The following ZBTB2 variants were observed in gnomAD, a reference collection of about 807,000 sequenced individuals.
The protein encoded by ZBTB2 is zinc finger and BTB domain containing 2.
In ZBTB2, 2 loss-of-function variants were observed where a neutral mutation model predicts 39.5. That is an observed-to-expected ratio of 0.05 (90% CI 0.02 to 0.16). The LOEUF (loss-of-function observed/expected upper bound fraction) is 0.16. Among genes scored for constraint, ZBTB2 ranks in the 10% least tolerant of loss-of-function variants. The probability of loss-of-function intolerance (pLI) is 1.00; values close to 1 mark genes in which losing one functional copy is unlikely to be tolerated. For missense variants in ZBTB2, 391 were observed against 653.0 expected (o/e 0.60, Z 4.37); for synonymous variants, 251 against 256.6 (o/e 0.98, Z 0.21).
At chr6:151,390,992 C>T (rs1410093708) in intron 1 of ZBTB2, among the ~76,000 whole-genome samples, 1 of 150,448 alleles carries the variant, frequency 6.6e-6, no homozygotes, top group Non-Finnish European at 1.5e-5. Flanking sequence ...GGGAACCGAA[C>T]GCGAATCGCC....
rs543500563 is a variant in ZBTB2 at position 151,384,375 on chromosome 6, C to T, written c.-13+7045G>A. 2.6e-5 allele frequency among the ~76,000 whole-genome samples: 4 copies of T among 152,164 alleles called. No homozygotes were observed. In the South Asian group the frequency reaches 8.3e-4, roughly 32 times the overall value. On this transcript the variant is annotated intron_variant, in intron 1 of 2. Coordinates refer to ENST00000325144, the MANE Select transcript of ZBTB2 (RefSeq NM_020861.3). ...AATCAAGCTGGGGAGGAGGGGGTAACAAGCGGGCAAGTGAAGACCTGCTGG... is the reference window on the plus strand; with the variant it reads ...AATCAAGCTGGGGAGGAGGGGGTAATAAGCGGGCAAGTGAAGACCTGCTGG...
intron 2 of ZBTB2, among the ~76,000 whole-genome samples, chr6:151,367,407 C>T (rs984782691): frequency 2.6e-5 from 4 of 152,166 alleles, no homozygotes; most frequent in Non-Finnish European, 4.4e-5. Flanking sequence ...AGGCGTGAGC[C>T]ACCACGCCTG....
intron 1 of ZBTB2, among the ~76,000 whole-genome samples, chr6:151,381,967 T>C (rs1348719624): frequency 1.3e-5 from 2 of 152,222 alleles, no homozygotes; most frequent in African/African-American, 4.8e-5. Flanking sequence ...AATTTTGTCA[T>C]TGTGCGAACA....
intron 1 of ZBTB2, among the ~76,000 whole-genome samples, chr6:151,375,291 TGG>T (rs1778883910): frequency 6.6e-6 from 1 of 152,072 alleles, no homozygotes; most frequent in African/African-American, 2.4e-5. Context: ...ATGAAATACA[TGG>T]GTGTAAATCT....
At chr6:151,368,891 T>C (rs1778715135) in intron 2 of ZBTB2, among the ~76,000 whole-genome samples, 1 of 151,564 alleles carries the variant, frequency 6.6e-6, no homozygotes, top group Non-Finnish European at 1.5e-5. Flanking sequence ...GCCTCCCAAG[T>C]TGGGATTACA....
intron 1 of ZBTB2, among the ~76,000 whole-genome samples, chr6:151,389,902 T>G (rs1779245635): frequency 6.6e-6 from 1 of 151,996 alleles, no homozygotes; most frequent in African/African-American, 2.4e-5. Flanking sequence ...CCTTTGCAGC[T>G]TCTGGCTAAA....
Position 151,373,857 on chromosome 6 carries a change from A to AC in ZBTB2, c.-12-209_-12-208insG, listed in dbSNP as rs1275570319. The stretch of plus-strand genomic sequence containing the variant: ...CATTATGCCTTTAAAAAAAAAAAAA[A>AC]AAAAAAAAAAAAAAAAAAAACCAGA... On this transcript the variant is annotated intron_variant, in intron 1 of 2. Coordinates refer to ENST00000325144, the MANE Select transcript of ZBTB2 (RefSeq NM_020861.3). Among the ~76,000 whole-genome samples, 13 of 144,144 alleles carry AC rather than the reference A, an allele frequency of 9.0e-5. No individual in the cohort carries two copies. The East Asian group carries it at 1.2e-3, about 13-fold the overall frequency. The allele number at this position is 144,144 out of a possible 152,430, so 94.6% of individuals were successfully genotyped here.
chr6:151,373,317 G>A, intron 2 of ZBTB2, 148 bp downstream of exon 2: 1 of 742,266 alleles, frequency 1.3e-6, no homozygotes, highest in East Asian at 2.7e-5. Flanking sequence ...CCTGTAACAA[G>A]AAGGGTAGTG....
intron 1 of ZBTB2, among the ~76,000 whole-genome samples, chr6:151,386,248 T>G (rs1319320266): frequency 6.6e-6 from 1 of 152,088 alleles, no homozygotes; most frequent in South Asian, 2.1e-4. Context: ...ACGGCAAAAT[T>G]AAAAAATTAA....
intron 1 of ZBTB2, among the ~76,000 whole-genome samples, chr6:151,382,343 C>G (rs1012289545): frequency 5.9e-5 from 9 of 151,928 alleles, no homozygotes; most frequent in Non-Finnish European, 1.2e-4. Context: ...ACAACCTCCG[C>G]CTCCCGGGTT....
intron 1 of ZBTB2, among the ~76,000 whole-genome samples, chr6:151,387,790 G>T (rs186542065): frequency 1.3e-5 from 2 of 152,282 alleles, no homozygotes; most frequent in African/African-American, 4.8e-5. Context: ...GTGAACTGGG[G>T]GTTATGAGTT....
chr6:151,375,851 G>T (rs1027411163), intron 1 of ZBTB2, among the ~76,000 whole-genome samples: 3 of 152,166 alleles, frequency 2.0e-5, no homozygotes, highest in Admixed American at 6.5e-5. Flanking sequence ...TTACAGGTGT[G>T]AGCCAACACG....
At chr6:151,369,422 AGC>A (rs1778730260) in intron 2 of ZBTB2, among the ~76,000 whole-genome samples, 2 of 152,020 alleles carry the variant, frequency 1.3e-5, no homozygotes, top group Non-Finnish European at 2.9e-5. Flanking sequence ...GCATGATCAT[AGC>A]TGACTGCAGC....
chr6:151,391,198 GC>G (rs1272196192), intron 1 of ZBTB2, among the ~76,000 whole-genome samples: 1 of 151,474 alleles, frequency 6.6e-6, no homozygotes, highest in African/African-American at 2.4e-5. Flanking sequence ...AGGCGCCCCT[GC>G]CCTCGCTTCC....
intron 1 of ZBTB2, among the ~76,000 whole-genome samples, chr6:151,374,661 T>G (rs1255354801): frequency 1.3e-5 from 2 of 151,826 alleles, no homozygotes; most frequent in Admixed American, 6.6e-5. Flanking sequence ...CTCTCGATAT[T>G]CAACACAGCA....
At chr6:151,385,568 G>T (rs1779132219) in intron 1 of ZBTB2, among the ~76,000 whole-genome samples, 1 of 152,286 alleles carries the variant, frequency 6.6e-6, no homozygotes, top group Middle Eastern at 3.4e-3. Context: ...AAAGATAATA[G>T]CTGTTCTAAG....
chr6:151,391,557 CGCG>C (rs531722252), exon 1 of ZBTB2: 191 of 153,338 alleles, frequency 1.2e-3, no homozygotes, highest in East Asian at 2.2e-3. Context: ...GTGTCTCCGG[CGCG>C]GCGGCGGCGG....
In ZBTB2 at chr6:151,391,420, C is replaced by T. The variant is rs1779304701; in HGVS notation, c.-13G>A. On this transcript the variant is annotated splice_region_variant and 5_prime_UTR_variant, in exon 1 of 3. Transcript: ENST00000325144. ...GGAGGCGGAGGCGGTGCGCGCTTACCTGTCGCCGGTGCTGCTGCGGCGGGG... is the reference window on the plus strand; with the variant it reads ...GGAGGCGGAGGCGGTGCGCGCTTACTTGTCGCCGGTGCTGCTGCGGCGGGG... 1 of 151,916 alleles carries T rather than the reference C, an allele frequency of 6.6e-6. No homozygotes were observed. Among genetic ancestry groups the T allele is most frequent in the Admixed American group, 6.6e-5 (1 of 15,254 alleles). 9.4% of individuals were successfully genotyped at this position (151,916 alleles called of 1,614,324 possible). A position where few individuals can be genotyped will look rare whatever the true frequency, so the allele number is the denominator to read the frequency against.
intron 1 of ZBTB2, among the ~76,000 whole-genome samples, chr6:151,375,719 C>A (rs971219914): frequency 6.6e-6 from 1 of 152,132 alleles, no homozygotes; most frequent in African/African-American, 2.4e-5. Flanking sequence ...CACGCACCAC[C>A]AAACCTGGCT....
Sources: gnomAD v4.1 joint callset for allele counts (sites outside exome capture counted in the v4.1 genomes callset) on GRCh38, gnomAD v4.1.1 for gene constraint, MANE v1.5 for transcripts, NCBI Gene and HGNC (gene_info 2026-07-23, HGNC 2026-07-21) for gene names.